The following ACER3 variants were observed in gnomAD, a reference collection of about 807,000 sequenced individuals.
The protein encoded by ACER3 is alkCDase 3.
Under a neutral mutation model 48.9 loss-of-function variants are expected in ACER3, and 16 were observed. The observed-to-expected ratio is 0.33, with a 90% CI of 0.22 to 0.50. The LOEUF is 0.50. Among genes scored for constraint, ACER3 ranks in the 20% least tolerant of loss-of-function variants. The pLI is 0.98. For synonymous variants in ACER3, 109 were observed against 107.8 expected (o/e 1.01, Z -0.07); for missense variants, 227 against 326.0 (o/e 0.70, Z 2.34).
At chr11:76,863,633 G>T (rs993170743) in intron 1 of ACER3, among the ~76,000 whole-genome samples, 1 of 152,108 alleles carries the variant, frequency 6.6e-6, no homozygotes. Context: ...TTAACATCAC[G>T]ATAGTATTTA....
intron 1 of ACER3, among the ~76,000 whole-genome samples, chr11:76,916,967 C>A (rs1180093684): frequency 1.3e-5 from 2 of 152,152 alleles, no homozygotes; most frequent in African/African-American, 4.8e-5. Flanking sequence ...TCTTGTGAGG[C>A]CAGAGTTTAC....
intron 6 of ACER3, chr11:76,994,283 T>A: frequency 4.9e-6 from 2 of 407,062 alleles, no homozygotes; most frequent in South Asian, 3.5e-5. Context: ...GCGTGTACCA[T>A]CACGCCAGGC....
intron 9 of ACER3, among the ~76,000 whole-genome samples, chr11:77,017,653 C>T (rs1184011366): frequency 2.0e-5 from 3 of 152,138 alleles, no homozygotes; most frequent in Non-Finnish European, 2.9e-5. Flanking sequence ...CAAAAGGCCA[C>T]AGGTAGCCAG....
chr11:76,876,340 G>T (rs2134555092), intron 1 of ACER3, among the ~76,000 whole-genome samples: 1 of 151,258 alleles, frequency 6.6e-6, no homozygotes, highest in East Asian at 1.9e-4. Flanking sequence ...GACTTGTCTA[G>T]TATTTACTAT....
At chr11:76,984,802 T>A (rs1948654850) in intron 4 of ACER3, among the ~76,000 whole-genome samples, 1 of 152,226 alleles carries the variant, frequency 6.6e-6, no homozygotes, top group Admixed American at 6.5e-5. Context: ...CTATTCAAGC[T>A]AGCTTGAATT....
chr11:77,013,068 C>T (rs1374187918), intron 7 of ACER3, among the ~76,000 whole-genome samples: 2 of 151,102 alleles, frequency 1.3e-5, no homozygotes, highest in African/African-American at 2.4e-5. Context: ...TTCTTAGGAC[C>T]AAAAAAAATG....
intron 7 of ACER3, among the ~76,000 whole-genome samples, chr11:76,999,378 T>G (rs1948982353): frequency 1.4e-5 from 1 of 72,970 alleles, no homozygotes; most frequent in African/African-American, 4.3e-5. Flanking sequence ...TTTGTGGGTT[T>G]GTTTTTTTTT....
intron 1 of ACER3, among the ~76,000 whole-genome samples, chr11:76,867,065 C>T (rs558398186): frequency 8.5e-5 from 13 of 152,194 alleles, no homozygotes; most frequent in East Asian, 3.9e-4. Flanking sequence ...AAGAATTACC[C>T]GGTTAAAAGT....
chr11:77,016,292 G>A (rs782468276), intron 8 of ACER3, among the ~76,000 whole-genome samples: 6 of 152,106 alleles, frequency 3.9e-5, no homozygotes, highest in Admixed American at 6.5e-5. Context: ...ATCAGTAACC[G>A]AATCTTTTAT....
intron 2 of ACER3, among the ~76,000 whole-genome samples, chr11:76,948,711 C>A (rs1247488576): frequency 1.3e-5 from 2 of 152,166 alleles, no homozygotes; most frequent in East Asian, 3.8e-4. Context: ...TTATGGTAAA[C>A]CATGATGTGA....
At chr11:76,880,476 C>T (rs1368831862) in intron 1 of ACER3, among the ~76,000 whole-genome samples, 1 of 152,180 alleles carries the variant, frequency 6.6e-6, no homozygotes, top group African/African-American at 2.4e-5. Flanking sequence ...CATCAGATCC[C>T]ACAGGTTGAG....
intron 1 of ACER3, among the ~76,000 whole-genome samples, chr11:76,864,922 T>A (rs1403337430): frequency 6.9e-6 from 1 of 144,274 alleles, no homozygotes; most frequent in Non-Finnish European, 1.5e-5. Context: ...TAAATTAATT[T>A]TTTTTTTTTT....
chr11:76,962,722 G>A (rs1308043254), intron 3 of ACER3, among the ~76,000 whole-genome samples: 1 of 151,320 alleles, frequency 6.6e-6, no homozygotes, highest in African/African-American at 2.5e-5. Flanking sequence ...AAGAGTAAAA[G>A]TACACACTCA....
intron 1 of ACER3, among the ~76,000 whole-genome samples, chr11:76,887,091 C>A (rs1371502215): frequency 6.7e-6 from 1 of 148,428 alleles, no homozygotes; most frequent in African/African-American, 2.6e-5. Context: ...CATAGTGAAA[C>A]CCTGTCTCTA....
At chr11:76,869,052 G>T (rs1199926205) in intron 1 of ACER3, among the ~76,000 whole-genome samples, 1 of 152,174 alleles carries the variant, frequency 6.6e-6, no homozygotes, top group African/African-American at 2.4e-5. Flanking sequence ...TGTTTACCTG[G>T]GTTCTGTAAG....
chr11:76,881,077 G>A (rs1338473209), intron 1 of ACER3, among the ~76,000 whole-genome samples: 1 of 151,796 alleles, frequency 6.6e-6, no homozygotes, highest in Non-Finnish European at 1.5e-5. Flanking sequence ...GCAATATGGT[G>A]AAACTCATCT....
chr11:76,994,132 CT>C, intron 6 of ACER3: 1 of 404,196 alleles, frequency 2.5e-6, no homozygotes, highest in Admixed American at 2.7e-5. Flanking sequence ...AGGGATTAAA[CT>C]TTCTTTTTTT....
chr11:76,874,071 G>T (rs1054009200), intron 1 of ACER3, among the ~76,000 whole-genome samples: 15 of 152,238 alleles, frequency 9.9e-5, no homozygotes, highest in African/African-American at 3.4e-4. Flanking sequence ...CAAAATGATA[G>T]ATCCAAAAGG....
chr11:76,881,436 A>G (rs1945525387), intron 1 of ACER3, among the ~76,000 whole-genome samples: 1 of 151,818 alleles, frequency 6.6e-6, no homozygotes, highest in Non-Finnish European at 1.5e-5. Flanking sequence ...TTTGAATATT[A>G]TTTTAGAATT....
Sources: allele counts gnomAD v4.1 joint callset (sites outside exome capture counted in the v4.1 genomes callset), GRCh38; gene constraint gnomAD v4.1.1; transcripts MANE v1.5; gene names NCBI Gene and HGNC (gene_info 2026-07-23, HGNC 2026-07-21).